The following R3HDM1 variants were observed in gnomAD, a reference collection of about 807,000 sequenced individuals.
R3HDM1 encodes R3H domain containing 1.
A neutral mutation model predicts 141.1 loss-of-function variants in R3HDM1; 46 were observed. The ratio of observed to expected loss-of-function variants is 0.33; its 90% confidence interval spans 0.26 to 0.42. R3HDM1 has a LOEUF of 0.42. Ranked by LOEUF, R3HDM1 falls within the 10% of genes least tolerant of loss-of-function variation. R3HDM1 has a pLI of 1.00. For synonymous variants in R3HDM1, 435 were observed against 472.9 expected, an observed-to-expected ratio of 0.92 and a Z score of 1.04; for missense variants, 1,184 against 1,368.3, an observed-to-expected ratio of 0.87 and a Z score of 2.12.
At chr2:135,623,007 A>G (rs2061652143) in intron 7 of R3HDM1, 1 of 981,922 alleles carries the variant, frequency 1.0e-6, no homozygotes, top group South Asian at 4.7e-5. Context: ...GACATATACC[A>G]TTAATCATGA....
intron 26 of R3HDM1, among the ~76,000 whole-genome samples, chr2:135,723,479 T>A (rs1364439507): frequency 6.6e-6 from 1 of 151,816 alleles, no homozygotes; most frequent in Admixed American, 6.6e-5. Context: ...ATTTAAAAGA[T>A]GGATGTCCCT....
chr2:135,721,855 T>C, intron 24 of R3HDM1, 69 bp from the exon 25 acceptor site: 1 of 1,393,106 alleles, frequency 7.2e-7, no homozygotes, highest in South Asian at 1.2e-5. Context: ...CCCAAATTGC[T>C]AGGATTACAG....
chr2:135,548,232 C>G (rs1378672895), intron 1 of R3HDM1, among the ~76,000 whole-genome samples: 3 of 152,046 alleles, frequency 2.0e-5, no homozygotes, highest in African/African-American at 7.2e-5. Context: ...TTGAAATTTT[C>G]CAAACGTACA....
intron 7 of R3HDM1, among the ~76,000 whole-genome samples, chr2:135,630,790 T>C (rs1214944354): frequency 2.0e-5 from 3 of 152,138 alleles, no homozygotes; most frequent in African/African-American, 7.2e-5. Flanking sequence ...CTTTTAGCTT[T>C]AAGTTTCTGT....
chr2:135,616,604 G>A (rs1459941543), intron 4 of R3HDM1, 64 bp from the exon 5 acceptor site: 1 of 1,309,776 alleles, frequency 7.6e-7, no homozygotes, highest in African/African-American at 1.5e-5. Context: ...ACTCTTTCTA[G>A]GGGGCTTTTG....
chr2:135,653,557 T>G (rs1339277546), intron 18 of R3HDM1, among the ~76,000 whole-genome samples: 1 of 152,232 alleles, frequency 6.6e-6, no homozygotes, highest in African/African-American at 2.4e-5. Flanking sequence ...ATGTTTTCTC[T>G]TTTGAGAGGA....
intron 1 of R3HDM1, among the ~76,000 whole-genome samples, chr2:135,571,852 C>T (rs1218842391): frequency 6.6e-6 from 1 of 152,108 alleles, no homozygotes; most frequent in Admixed American, 6.5e-5. Flanking sequence ...TCTCGAACTC[C>T]TGGACTCAAG....
At chr2:135,622,472 C>T (rs1345873072) in intron 6 of R3HDM1, 182 bp from the exon 7 acceptor site, 4 of 983,524 alleles carry the variant, frequency 4.1e-6, no homozygotes, top group South Asian at 9.4e-5. Flanking sequence ...ATGTCATGCA[C>T]ATTATATGGG....
intron 1 of R3HDM1, chr2:135,534,098 CTAGT>C: frequency 5.4e-6 from 5 of 921,338 alleles, no homozygotes; most frequent in Non-Finnish European, 6.5e-6. Context: ...CAGTTTGCGA[CTAGT>C]TATTTTTGAT....
chr2:135,620,319 C>A, intron 5 of R3HDM1: 1 of 891,498 alleles, frequency 1.1e-6, no homozygotes, highest in Non-Finnish European at 1.3e-6. Context: ...TTTCTAGATA[C>A]CTGTTTTACA....
At chr2:135,544,014 A>C (rs1273694070) in intron 1 of R3HDM1, among the ~76,000 whole-genome samples, 1 of 152,250 alleles carries the variant, frequency 6.6e-6, no homozygotes, top group Non-Finnish European at 1.5e-5. Flanking sequence ...AAGTTAAGTT[A>C]CTTAGCCTCT....
intron 1 of R3HDM1, among the ~76,000 whole-genome samples, chr2:135,562,452 G>A (rs1015742140): frequency 6.6e-6 from 1 of 152,056 alleles, no homozygotes; most frequent in Admixed American, 6.5e-5. Flanking sequence ...TTATTTGGTC[G>A]CTTATTATTT....
At chr2:135,535,286 G>A (rs1233530087) in intron 1 of R3HDM1, among the ~76,000 whole-genome samples, 1 of 152,080 alleles carries the variant, frequency 6.6e-6, no homozygotes, top group Admixed American at 6.6e-5. Flanking sequence ...AGATCACAAG[G>A]TCAGCAGTTC....
At chr2:135,559,142 C>T (rs1020637395) in intron 1 of R3HDM1, 10 of 753,438 alleles carry the variant, frequency 1.3e-5, no homozygotes, top group African/African-American at 9.5e-5. Context: ...GACAGGGCCT[C>T]GCTTGGTCTC....
intron 19 of R3HDM1, among the ~76,000 whole-genome samples, chr2:135,666,267 G>A (rs2067478690): frequency 6.6e-6 from 1 of 152,202 alleles, no homozygotes; most frequent in South Asian, 2.1e-4. Context: ...AAGCAGGTGA[G>A]GGGGCTTATT....
At chr2:135,631,596 G>A in intron 7 of R3HDM1, 122 bp from the exon 8 acceptor site, 1 of 648,556 alleles carries the variant, frequency 1.5e-6, no homozygotes, top group Non-Finnish European at 2.5e-6. Context: ...TCAAGATTGG[G>A]GTAATACTGA....
intron 1 of R3HDM1, among the ~76,000 whole-genome samples, chr2:135,555,527 A>G (rs923900449): frequency 4.6e-5 from 7 of 152,180 alleles, no homozygotes; most frequent in Admixed American, 2.0e-4. Flanking sequence ...AAATAAGTAA[A>G]CATGAGTTAC....
chr2:135,622,032 TA>T, intron 6 of R3HDM1: 1 of 984,564 alleles, frequency 1.0e-6, no homozygotes, highest in Non-Finnish European at 1.2e-6. Context: ...TCTTCACTAT[TA>T]CCTAGCATTG....
At chr2:135,586,248 A>G (rs1379514526) in intron 1 of R3HDM1, 1 of 152,380 alleles carries the variant, frequency 6.6e-6, no homozygotes, top group Non-Finnish European at 1.5e-5. Flanking sequence ...ATAGCTTCTG[A>G]TGCATTTCAG....
Sources: allele counts gnomAD v4.1 joint callset (sites outside exome capture counted in the v4.1 genomes callset), GRCh38; gene constraint gnomAD v4.1.1; transcripts MANE v1.5; gene names NCBI Gene and HGNC (gene_info 2026-07-23, HGNC 2026-07-21).